The following AGBL4 variants were observed in gnomAD, a reference collection of about 807,000 sequenced individuals.
AGBL4 encodes the protein AGBL carboxypeptidase 4.
Under a neutral mutation model 66.4 loss-of-function variants are expected in AGBL4, and 58 were observed. That is an observed-to-expected ratio of 0.87 (90% CI 0.71 to 1.09). The LOEUF is 1.09. AGBL4 is among the 50% of genes least tolerant of loss of function. AGBL4 has a pLI of 0.00. For synonymous variants in AGBL4, 234 were observed against 222.9 expected (o/e 1.05, Z -0.44); for missense variants, 579 against 631.0 (o/e 0.92, Z 0.88).
chr1:49,956,844 T>C (rs1557617432), intron 1 of AGBL4, among the ~76,000 whole-genome samples: 1 of 151,900 alleles, frequency 6.6e-6, no homozygotes, highest in East Asian at 1.9e-4. Context: ...GCAAGACATC[T>C]CTGAAAGAGA....
chr1:49,428,224 A>T (rs1369165885), intron 3 of AGBL4, among the ~76,000 whole-genome samples: 1 of 152,194 alleles, frequency 6.6e-6, no homozygotes, highest in Non-Finnish European at 1.5e-5. Context: ...CTTGTAAACA[A>T]CTTGGGGACC....
chr1:48,911,959 T>C (rs550602129), intron 5 of AGBL4, among the ~76,000 whole-genome samples: 35 of 152,228 alleles, frequency 2.3e-4, no homozygotes, highest in Non-Finnish European at 4.3e-4. Context: ...TCTTCTGTTA[T>C]AAACAATTTC....
At chr1:48,646,005 C>T (rs1645828962) in intron 8 of AGBL4, among the ~76,000 whole-genome samples, 1 of 152,120 alleles carries the variant, frequency 6.6e-6, no homozygotes, top group African/African-American at 2.4e-5. Context: ...CTGAAGGCTA[C>T]CATGTGAAAG....
intron 1 of AGBL4, among the ~76,000 whole-genome samples, chr1:49,963,765 T>C (rs1229158369): frequency 1.3e-5 from 2 of 152,122 alleles, no homozygotes; most frequent in East Asian, 3.8e-4. Flanking sequence ...TAACTAAACT[T>C]GGCAATTTGA....
At chr1:49,474,092 G>T (rs541676221) in intron 3 of AGBL4, among the ~76,000 whole-genome samples, 1 of 152,080 alleles carries the variant, frequency 6.6e-6, no homozygotes, top group South Asian at 2.1e-4. Flanking sequence ...TTTTTGCTTA[G>T]GACTTCCTTC....
At chr1:49,303,416 A>G (rs1177772567) in intron 3 of AGBL4, among the ~76,000 whole-genome samples, 4 of 146,574 alleles carry the variant, frequency 2.7e-5, no homozygotes. Flanking sequence ...AGTGATGTTG[A>G]GCTCTTTTTC....
intron 1 of AGBL4, among the ~76,000 whole-genome samples, chr1:49,941,315 C>G (rs1217328400): frequency 6.6e-6 from 1 of 152,096 alleles, no homozygotes; most frequent in Non-Finnish European, 1.5e-5. Context: ...GAGAGCACTT[C>G]CAAACTCATT....
intron 5 of AGBL4, among the ~76,000 whole-genome samples, chr1:48,917,780 A>G (rs903207398): frequency 6.6e-6 from 1 of 152,244 alleles, no homozygotes; most frequent in South Asian, 2.1e-4. Flanking sequence ...CAGCTAGTAC[A>G]CAAGTAGCAA....
intron 4 of AGBL4, among the ~76,000 whole-genome samples, chr1:49,207,668 T>C (rs1256136285): frequency 4.0e-5 from 6 of 151,016 alleles, no homozygotes; most frequent in African/African-American, 1.5e-4. Context: ...CACAGCTCAA[T>C]GCAGCCTTGA....
chr1:48,840,782 T>G (rs1469367496), intron 6 of AGBL4, among the ~76,000 whole-genome samples: 1 of 152,202 alleles, frequency 6.6e-6, no homozygotes, highest in East Asian at 1.9e-4. Context: ...AAAAAACTTA[T>G]GTTCACACAA....
At chr1:48,778,135 A>ACATCCATCCATCCATC (rs34372698) in intron 6 of AGBL4, among the ~76,000 whole-genome samples, 12 of 148,608 alleles carry the variant, frequency 8.1e-5, no homozygotes, top group Non-Finnish European at 1.0e-4. Flanking sequence ...ATAAAAACCC[A>ACATCCATCCATCCATC]CATCCATCCA....
intron 1 of AGBL4, among the ~76,000 whole-genome samples, chr1:49,949,393 G>A (rs1655865356): frequency 6.6e-6 from 1 of 151,760 alleles, no homozygotes; most frequent in South Asian, 2.1e-4. Context: ...CTTTTCCATG[G>A]CAAAAGGAAC....
At chr1:49,329,387 C>G (rs981544463) in intron 3 of AGBL4, among the ~76,000 whole-genome samples, 1 of 152,000 alleles carries the variant, frequency 6.6e-6, no homozygotes, top group Non-Finnish European at 1.5e-5. Flanking sequence ...AAAAATGTGC[C>G]GGGCGCGGTG....
chr1:49,018,527 T>C (rs1421496644), intron 5 of AGBL4, among the ~76,000 whole-genome samples: 1 of 152,150 alleles, frequency 6.6e-6, no homozygotes, highest in Non-Finnish European at 1.5e-5. Context: ...CTTCCAATAC[T>C]AACTATTGTT....
intron 4 of AGBL4, among the ~76,000 whole-genome samples, chr1:49,071,864 A>G (rs1362001867): frequency 6.6e-6 from 1 of 151,746 alleles, no homozygotes; most frequent in African/African-American, 2.4e-5. Context: ...TCCCACTATT[A>G]TTGTGTGGGT....
chr1:48,701,315 G>C (rs1055414822), intron 6 of AGBL4, among the ~76,000 whole-genome samples: 2 of 152,206 alleles, frequency 1.3e-5, no homozygotes, highest in Non-Finnish European at 2.9e-5. Flanking sequence ...TGGGGACACT[G>C]CTTCCTGGTC....
chr1:49,292,172 G>C (rs1644546902), intron 3 of AGBL4, among the ~76,000 whole-genome samples: 1 of 152,206 alleles, frequency 6.6e-6, no homozygotes, highest in African/African-American at 2.4e-5. Context: ...AGGCAGTGCT[G>C]ACACACCAGC....
chr1:48,943,341 G>C (rs1354279286), intron 5 of AGBL4, among the ~76,000 whole-genome samples: 1 of 152,168 alleles, frequency 6.6e-6, no homozygotes, highest in East Asian at 1.9e-4. Context: ...CTGTGCTTTT[G>C]TTCCCCTGAA....
chr1:49,373,887 G>C (rs1644418335), intron 3 of AGBL4, among the ~76,000 whole-genome samples: 1 of 152,036 alleles, frequency 6.6e-6, no homozygotes, highest in Non-Finnish European at 1.5e-5. Flanking sequence ...AAGTGGCCCG[G>C]TATATGGTAT....
Sources: allele counts gnomAD v4.1 joint callset (sites outside exome capture counted in the v4.1 genomes callset), GRCh38; gene constraint gnomAD v4.1.1; transcripts MANE v1.5; gene names NCBI Gene and HGNC (gene_info 2026-07-23, HGNC 2026-07-21).